FOXK1: variants seen among roughly 807,000 people sequenced by gnomAD.
FOXK1 encodes forkhead box protein K1.
FOXK1 carries 19 observed loss-of-function variants against 51.9 expected under a neutral mutation model. The ratio of observed to expected loss-of-function variants is 0.37; its 90% confidence interval spans 0.26 to 0.54. The LOEUF (loss-of-function observed/expected upper bound fraction) is 0.54, where lower values mean the gene tolerates loss of function less well. FOXK1 is among the 20% of genes least tolerant of loss of function. The pLI is 0.87. For synonymous variants in FOXK1, 537 were observed against 482.6 expected (o/e 1.11, Z -1.48); for missense variants, 870 against 1,032.7 (o/e 0.84, Z 2.16).
chr7:4,688,669 C>G (rs374694035), intron 1 of FOXK1, among the ~76,000 whole-genome samples: 19 of 152,224 alleles, frequency 1.2e-4, no homozygotes, highest in East Asian at 3.9e-4. Flanking sequence ...TTGCAGCCCC[C>G]ACGCCCGGCA....
In FOXK1 at chr7:4,703,411, A is replaced by G. The variant is rs944063789; in HGVS notation, c.560+20543A>G. On this transcript the variant is annotated intron_variant, in intron 1 of 8. Transcript: ENST00000328914. The surrounding 1 kb of genome is among the most constrained non-coding windows in gnomAD (Gnocchi z 5.6). Reference sequence around the variant, plus strand: ...TCGCTGAAGTTCGTGGCCCCAAGACATGCGGAGAACCCGCGTCTGCAGGGC... The same window carrying G: ...TCGCTGAAGTTCGTGGCCCCAAGACGTGCGGAGAACCCGCGTCTGCAGGGC... 4.6e-5 allele frequency among the ~76,000 whole-genome samples: 7 copies of G among 152,170 alleles called. No individual in the cohort carries two copies. The highest frequency in any genetic ancestry group is 4.1e-4 in the South Asian group (2 of 4,832).
chr7:4,764,136 G>A lies in FOXK1; in HGVS notation c.*1672G>A, dbSNP rs776656204. 15 of 152,668 alleles carry A rather than the reference G, an allele frequency of 9.8e-5. No individual in the cohort carries two copies. The highest frequency in any genetic ancestry group is 1.3e-4 in the Non-Finnish European group (9 of 68,264). The allele number at this position is 152,668 out of a possible 1,614,324, so 9.5% of individuals were successfully genotyped here. ...GGAGAACACTTTTCAAAGTGATTCCGAGGCAGTGCGGGAGGACACACGTGC... is the reference window on the plus strand; with the variant it reads ...GGAGAACACTTTTCAAAGTGATTCCAAGGCAGTGCGGGAGGACACACGTGC... On this transcript the variant is annotated 3_prime_UTR_variant, in exon 9 of 9. Coordinates refer to ENST00000328914, the MANE Select transcript of FOXK1 (RefSeq NM_001037165.2).
At chr7:4,737,298 T>TC (rs1231720494) in intron 1 of FOXK1, among the ~76,000 whole-genome samples, 3 of 152,296 alleles carry the variant, frequency 2.0e-5, no homozygotes, top group African/African-American at 4.8e-5. Flanking sequence ...GAGAACATGG[T>TC]CTGTTTCGTT....
At chr7:4,690,481 C>T (rs1479116650) in intron 1 of FOXK1, among the ~76,000 whole-genome samples, 1 of 152,226 alleles carries the variant, frequency 6.6e-6, no homozygotes, top group African/African-American at 2.4e-5. Flanking sequence ...GTAGCAAGTA[C>T]ATTGGGTCGA....
Position 4,745,637 on chromosome 7 carries a change from C to G in FOXK1, c.746+4614C>G, listed in dbSNP as rs1319487626. Reference sequence around the variant, plus strand: ...TTTTTACAGGCCAGGCGCCCGGTGGCTCAGGCCTGTAATCCCAGCACTTTG... The same window carrying G: ...TTTTTACAGGCCAGGCGCCCGGTGGGTCAGGCCTGTAATCCCAGCACTTTG... On this transcript the variant is annotated intron_variant, in intron 2 of 8. Transcript: ENST00000328914. The surrounding 1 kb of genome is among the most constrained non-coding windows in gnomAD (Gnocchi z 4.3). Among the ~76,000 whole-genome samples the G allele has an allele frequency of 6.6e-6, 1 of 152,176 alleles. No homozygotes were observed. Among genetic ancestry groups the G allele is most frequent in the Non-Finnish European group, 1.5e-5 (1 of 68,044 alleles).
intron 2 of FOXK1, among the ~76,000 whole-genome samples, chr7:4,746,431 G>A (rs1204611192): frequency 6.6e-6 from 1 of 152,084 alleles, no homozygotes; most frequent in Non-Finnish European, 1.5e-5. Flanking sequence ...GTGTGGTGAC[G>A]CACTTTGGGA....
intron 2 of FOXK1, among the ~76,000 whole-genome samples, chr7:4,742,129 G>A (rs538579741): frequency 1.2e-4 from 19 of 152,258 alleles, no homozygotes; most frequent in African/African-American, 1.4e-4. Context: ...TTTCTGCGTC[G>A]CTCGCGCGTC....
chr7:4,704,966 G>A (rs1780064814), intron 1 of FOXK1, among the ~76,000 whole-genome samples: 1 of 151,308 alleles, frequency 6.6e-6, no homozygotes, highest in Non-Finnish European at 1.5e-5. Context: ...CGAGTAGCTG[G>A]GACTACAGGC....
intron 1 of FOXK1, among the ~76,000 whole-genome samples, chr7:4,695,939 A>AG (rs1424427103): frequency 1.3e-5 from 2 of 150,264 alleles, no homozygotes; most frequent in Non-Finnish European, 3.0e-5. Context: ...TCCGTCTCAA[A>AG]AAAAAAAAAA....
At chr7:4,693,951 G>A (rs988367741) in intron 1 of FOXK1, among the ~76,000 whole-genome samples, 1 of 152,134 alleles carries the variant, frequency 6.6e-6, no homozygotes, top group African/African-American at 2.4e-5. Flanking sequence ...CATGATCACA[G>A]CTCACTGTAG....
chr7:4,702,254 CTCCT>C (rs1356841296), intron 1 of FOXK1, among the ~76,000 whole-genome samples: 2 of 152,188 alleles, frequency 1.3e-5, no homozygotes, highest in African/African-American at 2.4e-5. Context: ...CCAGAGGCAG[CTCCT>C]GGAGGAATTT....
intron 1 of FOXK1, among the ~76,000 whole-genome samples, chr7:4,725,101 G>A (rs757129723): frequency 2.0e-5 from 3 of 152,212 alleles, no homozygotes; most frequent in African/African-American, 4.8e-5. Flanking sequence ...CGTCCTCCGC[G>A]CCCACGTTGC....
chr7:4,699,099 C>T (rs1289429783), intron 1 of FOXK1, among the ~76,000 whole-genome samples: 1 of 152,186 alleles, frequency 6.6e-6, no homozygotes. Context: ...TGTTTTTAGT[C>T]ATCTGAATCT....
At chr7:4,732,345 C>T in intron 1 of FOXK1, among the ~76,000 whole-genome samples, 1 of 152,202 alleles carries the variant, frequency 6.6e-6, no homozygotes, top group East Asian at 1.9e-4. Context: ...TTCATTCATT[C>T]ATTCAGTCAC....
chr7:4,751,072 TG>T (rs1780769354), intron 2 of FOXK1, among the ~76,000 whole-genome samples: 1 of 140,672 alleles, frequency 7.1e-6, no homozygotes, highest in South Asian at 2.3e-4. Context: ...TGGAGTGCAG[TG>T]GCGCAATCTC....
At chr7:4,708,213 G>T (rs767680079) in intron 1 of FOXK1, among the ~76,000 whole-genome samples, 1 of 152,182 alleles carries the variant, frequency 6.6e-6, no homozygotes, top group African/African-American at 2.4e-5. Context: ...TGCTGATGCT[G>T]TGTGGCTTTG....
In FOXK1 at chr7:4,703,035, C is replaced by A. The variant is rs1583185713; in HGVS notation, c.560+20167C>A. Among the ~76,000 whole-genome samples, 1 of 152,208 alleles carries A rather than the reference C, an allele frequency of 6.6e-6. No individual in the cohort carries two copies. The highest frequency in any genetic ancestry group is 6.5e-5 in the Admixed American group (1 of 15,280). On this transcript the variant is annotated intron_variant, in intron 1 of 8. Transcript: ENST00000328914. This position sits in a 1 kb window ranked among gnomAD's most constrained non-coding sequence, Gnocchi z 5.6. ...CCTAAAAGGCCGTCCTCAGCTCCCC[C>A]TGCCAGGTCCGGTTGGGGACCGAGA...
intron 1 of FOXK1, among the ~76,000 whole-genome samples, chr7:4,699,057 CCCAGGATGG>C (rs1272385611): frequency 6.6e-6 from 1 of 152,190 alleles, no homozygotes; most frequent in Non-Finnish European, 1.5e-5. Flanking sequence ...GGGGCTCCAG[CCCAGGATGG>C]AGTTTGGCAT....
chr7:4,695,364 G>T (rs1261779803), intron 1 of FOXK1, among the ~76,000 whole-genome samples: 1 of 152,174 alleles, frequency 6.6e-6, no homozygotes, highest in Non-Finnish European at 1.5e-5. Context: ...TTGTGGTGTG[G>T]ACAGATTTTA....
Sources: allele counts gnomAD v4.1 joint callset (sites outside exome capture counted in the v4.1 genomes callset), GRCh38; gene constraint gnomAD v4.1.1; non-coding constraint Gnocchi (gnomAD v3.1); transcripts MANE v1.5; gene names NCBI Gene and HGNC (gene_info 2026-07-23, HGNC 2026-07-21).